The following CKAP5 variants were observed in gnomAD, a reference collection of about 807,000 sequenced individuals.
CKAP5 encodes the protein cytoskeleton associated protein 5.
CKAP5 carries 27 observed loss-of-function variants against 232.8 expected under a neutral mutation model. The ratio of observed to expected loss-of-function variants is 0.12; its 90% CI spans 0.09 to 0.16. CKAP5 has a LOEUF of 0.16. CKAP5 is among the 10% of genes least tolerant of loss of function. The pLI is 1.00. For missense variants in CKAP5, 1,838 were observed against 2,424.7 expected (o/e 0.76, Z 5.08); for synonymous variants, 785 against 841.1 (o/e 0.93, Z 1.16).
rs1316180617 is a variant in CKAP5, at chr11:46,845,041, A to G, written c.-38+1179T>C. Among the ~76,000 whole-genome samples, 3 of 152,356 alleles carry G rather than the reference A, an allele frequency of 2.0e-5. No homozygotes were observed. In the East Asian group the frequency reaches 5.8e-4, roughly 29 times the overall value. ...AAATAAATTGATTTCACCTTTATCTATATCATTAAATTTGGTAAAAGCATT... is the reference window on the plus strand; with the variant it reads ...AAATAAATTGATTTCACCTTTATCTGTATCATTAAATTTGGTAAAAGCATT... On this transcript the variant is annotated intron_variant, in intron 1 of 43. Transcript: ENST00000529230.
chr11:46,780,112 C>T (rs760710630), intron 20 of CKAP5, 82 bp downstream of exon 20: 26 of 1,438,666 alleles, frequency 1.8e-5, no homozygotes, highest in Admixed American at 1.7e-4. Flanking sequence ...GGACTACAGG[C>T]GTGCACCACT....
At chr11:46,777,647 G>A in intron 22 of CKAP5, 95 bp from the exon 23 acceptor site, 1 of 756,528 alleles carries the variant, frequency 1.3e-6, no homozygotes, top group Non-Finnish European at 2.3e-6. Context: ...TACAGCAGGA[G>A]ATTTTTGGCC....
chr11:46,831,828 A>C (rs1305504833), intron 1 of CKAP5, among the ~76,000 whole-genome samples: 1 of 148,470 alleles, frequency 6.7e-6, no homozygotes, highest in Non-Finnish European at 1.5e-5. Flanking sequence ...CACCCCACCC[A>C]GTCAGAAGTC....
chr11:46,822,052 C>A (rs1939547085), intron 1 of CKAP5, among the ~76,000 whole-genome samples: 2 of 151,758 alleles, frequency 1.3e-5, no homozygotes, highest in African/African-American at 4.8e-5. Flanking sequence ...AAAATAAAGT[C>A]ACTCAAAAAA....
At chr11:46,844,588 A>T (rs117678010) in intron 1 of CKAP5, among the ~76,000 whole-genome samples, 1,907 of 152,344 alleles carry the variant, frequency 0.013, 15 homozygotes, top group Admixed American at 0.017. Context: ...AGGCATGTTA[A>T]TTGTTACGGA....
chr11:46,751,573 G>A, intron 38 of CKAP5, 39 bp from the exon 39 acceptor site: 2 of 1,507,672 alleles, frequency 1.3e-6, no homozygotes, highest in Non-Finnish European at 1.8e-6. Context: ...AGTGACTGAA[G>A]AATGAGGATA....
chr11:46,809,367 GAAAT>G (rs1939225745), intron 7 of CKAP5, 29 bp downstream of exon 7: 1 of 1,351,584 alleles, frequency 7.4e-7, no homozygotes, highest in Admixed American at 1.8e-5. Context: ...TATTTTACAA[GAAAT>G]AAATGAAAGA....
intron 13 of CKAP5, among the ~76,000 whole-genome samples, chr11:46,792,366 G>A (rs982980981): frequency 2.0e-5 from 3 of 151,928 alleles, no homozygotes; most frequent in African/African-American, 4.8e-5. Flanking sequence ...CAGGCTGGAC[G>A]ACATGGTGAA....
chr11:46,766,513 A>G (rs1446986966), intron 27 of CKAP5, among the ~76,000 whole-genome samples: 2 of 152,334 alleles, frequency 1.3e-5, no homozygotes, highest in East Asian at 3.9e-4. Context: ...GAAAGGCCCT[A>G]GAGTGTGTAC....
intron 15 of CKAP5, 92 bp downstream of exon 15, chr11:46,789,982 AAC>A: frequency 1.3e-6 from 1 of 788,436 alleles, no homozygotes; most frequent in South Asian, 1.8e-5. Flanking sequence ...CCGGTTATAA[AAC>A]ACAGCAATTA....
At chr11:46,816,517 G>A in intron 3 of CKAP5, 113 bp from the exon 4 acceptor site, 1 of 724,348 alleles carries the variant, frequency 1.4e-6, no homozygotes, top group Non-Finnish European at 2.3e-6. Context: ...CAGTAAATGA[G>A]TCTTTAATTT....
Position 46,796,908 on chromosome 11 carries a change from A to G in CKAP5, c.1371T>C (p.Asp457=), listed in dbSNP as rs1294921714. The G allele has an allele frequency of 6.2e-7, 1 of 1,614,086 alleles. No homozygotes were observed. The highest frequency in any genetic ancestry group is 1.3e-5 in the African/African-American group (1 of 75,064). The change falls in exon 12 of 44, where the codon GAT becomes GAC. Residue 457 remains aspartate, a synonymous_variant. Coordinates refer to ENST00000529230, the MANE Select transcript of CKAP5 (RefSeq NM_001008938.4). ...HINDSAPEVR[D]AAFEALGTAL... is the part of the protein sequence containing the mutation. Reference sequence around the variant, plus strand: ...CAGTACCCAATGCTTCAAATGCGGCATCTCTGACTTCAGGAGCAGAATCAT... The same window carrying G: ...CAGTACCCAATGCTTCAAATGCGGCGTCTCTGACTTCAGGAGCAGAATCAT...
At position 46,822,718 on chromosome 11, in the gene CKAP5, A is replaced by G. The variant is rs1939565037; in HGVS notation, c.-37-1450T>C. ...GTGAGCCGAGATCGCACTGCACTCC[A>G]GCCTGGGCAACAGACTCCGTCCCAA... On this transcript the variant is annotated intron_variant, in intron 1 of 43. Coordinates refer to ENST00000529230, the MANE Select transcript of CKAP5 (RefSeq NM_001008938.4). 3.6e-5 allele frequency among the ~76,000 whole-genome samples: 5 copies of G among 139,836 alleles called. No homozygotes were observed. The Admixed American group carries it at 3.8e-4, about 11-fold the overall frequency. 91.7% of individuals were successfully genotyped at this position (139,836 alleles called of 152,430 possible).
intron 28 of CKAP5, among the ~76,000 whole-genome samples, chr11:46,764,094 T>G (rs1355165172): frequency 1.3e-5 from 2 of 151,818 alleles, no homozygotes; most frequent in Non-Finnish European, 2.9e-5. Context: ...TGCCTTAGCC[T>G]CCCAAATTGT....
chr11:46,804,876 T>C (rs1939117275), intron 8 of CKAP5, among the ~76,000 whole-genome samples: 1 of 151,382 alleles, frequency 6.6e-6, no homozygotes, highest in Non-Finnish European at 1.5e-5. Context: ...AAATCAAATG[T>C]CCATAGGCAT....
At chr11:46,789,209 C>T (rs2065424861) in intron 15 of CKAP5, among the ~76,000 whole-genome samples, 1 of 152,178 alleles carries the variant, frequency 6.6e-6, no homozygotes, top group African/African-American at 2.4e-5. Context: ...CAGATCTAAA[C>T]CCAATGGGCA....
chr11:46,813,095 T>TA (rs1365242654), intron 4 of CKAP5, among the ~76,000 whole-genome samples: 2 of 151,914 alleles, frequency 1.3e-5, no homozygotes, highest in Admixed American at 6.6e-5. Context: ...ACAGGCACAA[T>TA]AAAAAAAGAA....
intron 24 of CKAP5, among the ~76,000 whole-genome samples, chr11:46,774,664 G>C (rs913877979): frequency 1.3e-5 from 2 of 152,148 alleles, no homozygotes; most frequent in Non-Finnish European, 2.9e-5. Context: ...GAACAGAACA[G>C]AGGCCTCAGA....
Position 46,762,321 on chromosome 11 carries a change from TTTG to T in CKAP5, c.4028-131_4028-129del. ...CTTACTCTGGCTCTGCCTAGGATTT[TTTG>T]TTTACTGCCTTTTATCAGTGAAAAA... is the stretch of plus-strand genomic sequence containing the variant. On this transcript the variant is annotated intron_variant, in intron 31 of 43. Coordinates refer to ENST00000529230, the MANE Select transcript of CKAP5 (RefSeq NM_001008938.4). 4 of 1,045,596 alleles carry T rather than the reference TTTG, an allele frequency of 3.8e-6. No individual in the cohort carries two copies. In the South Asian group the frequency reaches 5.3e-5, roughly 14 times the overall value. 64.8% of individuals were successfully genotyped at this position (1,045,596 alleles called of 1,614,324 possible).
Sources: allele counts gnomAD v4.1 joint callset (sites outside exome capture counted in the v4.1 genomes callset), GRCh38; gene constraint gnomAD v4.1.1; transcripts MANE v1.5; gene names NCBI Gene and HGNC (gene_info 2026-07-23, HGNC 2026-07-21).